Variants in MARCHF3 observed in about 807,000 individuals in gnomAD.
MARCHF3 encodes E3 ubiquitin-protein ligase MARCHF3.
A neutral mutation model predicts 24.2 loss-of-function variants in MARCHF3; 13 were observed. That is an observed-to-expected ratio of 0.54 (90% CI 0.35 to 0.85). The LOEUF (loss-of-function observed/expected upper bound fraction) is 0.85. Among genes scored for constraint, MARCHF3 ranks in the 40% least tolerant of loss-of-function variants. The pLI is 0.01. For missense variants in MARCHF3, 276 were observed against 325.0 expected (o/e 0.85, Z 1.16); for synonymous variants, 144 against 137.3 (o/e 1.05, Z -0.34).
intron 3 of MARCHF3, among the ~76,000 whole-genome samples, chr5:126,912,863 CATT>C (rs1040252107): frequency 1.3e-5 from 2 of 152,236 alleles, no homozygotes; most frequent in African/African-American, 4.8e-5. Context: ...GTTCAATCAT[CATT>C]AACTCTGAAA....
chr5:126,953,787 G>C (rs554654632), intron 1 of MARCHF3, among the ~76,000 whole-genome samples: 1 of 152,132 alleles, frequency 6.6e-6, no homozygotes, highest in South Asian at 2.1e-4. Flanking sequence ...TTAATTGCTT[G>C]TTCCTCCCCC....
At position 126,918,202 on chromosome 5, in the gene MARCHF3, C is replaced by A. The variant is rs1041236777; in HGVS notation, c.-31G>T. 2 of 1,593,356 alleles carry A rather than the reference C, an allele frequency of 1.3e-6. No homozygotes were observed. The highest frequency in any genetic ancestry group is 2.7e-5 in the African/African-American group (2 of 74,476). On this transcript the variant is annotated 5_prime_UTR_variant, in exon 2 of 5. Transcript: ENST00000308660. ...CAGACAGCAATTACTCTGCTAATGG[C>A]TTCCACATTCATACAGGATTTCCAT...
intron 1 of MARCHF3, among the ~76,000 whole-genome samples, chr5:127,002,070 A>G (rs1216954313): frequency 6.6e-6 from 1 of 152,224 alleles, no homozygotes; most frequent in Non-Finnish European, 1.5e-5. Context: ...CCAAGGATGA[A>G]CTGAGTAGAC....
In MARCHF3 at chr5:126,989,773, T is replaced by A. The variant is rs1209442908; in HGVS notation, c.-57+40577A>T. On this transcript the variant is annotated intron_variant, in intron 1 of 4. Transcript: ENST00000308660. ...AATTATAATTATGAACAGTTTCCTATTATATTACACTCTGATCTTCAGTGT... is the reference window on the plus strand; with the variant it reads ...AATTATAATTATGAACAGTTTCCTAATATATTACACTCTGATCTTCAGTGT... 1.3e-5 allele frequency among the ~76,000 whole-genome samples: 2 copies of A among 152,154 alleles called. 1 individual carries two copies. The highest frequency in any genetic ancestry group is 4.1e-4 in the South Asian group (2 of 4,824).
chr5:126,914,888 C>T (rs780975518), intron 3 of MARCHF3, 42 bp downstream of exon 3: 2 of 1,601,538 alleles, frequency 1.2e-6, no homozygotes, highest in Non-Finnish European at 1.7e-6. Context: ...ACATCATTTG[C>T]TCATTAGAGC....
Position 126,964,156 on chromosome 5 carries a change from C to T in MARCHF3, c.-56-45929G>A, listed in dbSNP as rs367778786. Among the ~76,000 whole-genome samples the T allele has an allele frequency of 5.9e-5, 9 of 152,300 alleles. No homozygotes were observed. In the South Asian group the frequency reaches 1.7e-3, roughly 28 times the overall value. ...ACCTCTGCATTCTTTTTCTCTTCCC[C>T]CTCCTGGCTATGCCTCATCTATCCT... On this transcript the variant is annotated intron_variant, in intron 1 of 4. Coordinates refer to ENST00000308660, the MANE Select transcript of MARCHF3 (RefSeq NM_178450.5).
chr5:127,012,725 A>T (rs1752510018), intron 1 of MARCHF3, among the ~76,000 whole-genome samples: 1 of 152,236 alleles, frequency 6.6e-6, no homozygotes. Context: ...ACAACAAAAT[A>T]TGCCTGAGGG....
intron 1 of MARCHF3, among the ~76,000 whole-genome samples, chr5:126,957,817 T>C (rs12655319): frequency 2.0e-4 from 30 of 152,258 alleles, no homozygotes; most frequent in African/African-American, 7.0e-4. Context: ...AAAATCATCA[T>C]CTAAAATTGT....
At chr5:126,979,700 G>A (rs1173152081) in intron 1 of MARCHF3, among the ~76,000 whole-genome samples, 6 of 152,146 alleles carry the variant, frequency 3.9e-5, no homozygotes, top group Admixed American at 3.9e-4. Context: ...TGTAATCCCA[G>A]CACTCTGAGA....
intron 1 of MARCHF3, among the ~76,000 whole-genome samples, chr5:126,923,116 A>G (rs1168214094): frequency 6.6e-6 from 1 of 152,226 alleles, no homozygotes; most frequent in African/African-American, 2.4e-5. Flanking sequence ...CTATGTAACA[A>G]ACATGTACAT....
Position 126,943,636 on chromosome 5 carries a change from T to TCTCTAAGC in MARCHF3, c.-56-25417_-56-25410dup, listed in dbSNP as rs1191868273. The stretch of plus-strand genomic sequence containing the variant: ...AAATATTCACTATATGACAAGCACT[T>TCTCTAAGC]CTCTAAGCACTTAGCCTGTATTATC... On this transcript the variant is annotated intron_variant, in intron 1 of 4. Transcript: ENST00000308660. 3.9e-5 allele frequency among the ~76,000 whole-genome samples: 6 copies of TCTCTAAGC among 152,144 alleles called. No homozygotes were observed. The East Asian group carries it at 1.2e-3, about 29-fold the overall frequency.
chr5:126,908,658 GT>G (rs1754393629), intron 3 of MARCHF3, among the ~76,000 whole-genome samples: 1 of 151,666 alleles, frequency 6.6e-6, no homozygotes. Context: ...TCGAGCCTTG[GT>G]TTTCAGCTCC....
intron 4 of MARCHF3, among the ~76,000 whole-genome samples, chr5:126,871,726 T>C (rs74762673): frequency 1.3e-5 from 2 of 149,366 alleles, no homozygotes; most frequent in Admixed American, 6.6e-5. Flanking sequence ...TTTTTTTTTT[T>C]GGATGGAGTC....
chr5:126,894,416 C>T (rs1211971157), intron 3 of MARCHF3, among the ~76,000 whole-genome samples: 16 of 150,570 alleles, frequency 1.1e-4, no homozygotes, highest in African/African-American at 2.5e-4. Context: ...GATTTTGCAG[C>T]GGCTGGTACC....
At position 126,868,576 on chromosome 5, in the gene MARCHF3, A is replaced by G. The variant is rs185135598; in HGVS notation, c.*2057T>C. On this transcript the variant is annotated 3_prime_UTR_variant, in exon 5 of 5. Transcript: ENST00000308660. ...ATCTCATCTCATGAACCAAGATGGC[A>G]GGAATTCTCTGCAGCCAACCTTGAC... The G allele has an allele frequency of 2.6e-5, 4 of 152,372 alleles. No homozygotes were observed. In the East Asian group the frequency reaches 5.8e-4, roughly 22 times the overall value. The allele number at this position is 152,372 out of a possible 1,614,324, so 9.4% of individuals were successfully genotyped here.
chr5:126,932,700 G>T (rs1749518270), intron 1 of MARCHF3, among the ~76,000 whole-genome samples: 1 of 152,172 alleles, frequency 6.6e-6, no homozygotes, highest in South Asian at 2.1e-4. Context: ...GTACAAAATT[G>T]TCTCCCTTTG....
intron 3 of MARCHF3, among the ~76,000 whole-genome samples, chr5:126,895,995 T>C (rs1487140220): frequency 5.9e-5 from 9 of 152,116 alleles, no homozygotes; most frequent in African/African-American, 2.2e-4. Flanking sequence ...CCAAGCCAGG[T>C]GCGGGATATA....
intron 1 of MARCHF3, among the ~76,000 whole-genome samples, chr5:127,010,243 C>A (rs1304119428): frequency 1.3e-5 from 2 of 152,104 alleles, no homozygotes; most frequent in Non-Finnish European, 2.9e-5. Context: ...AGGGGTTACA[C>A]AAGGCACATA....
chr5:127,007,519 A>C (rs916050521), intron 1 of MARCHF3, among the ~76,000 whole-genome samples: 1 of 152,234 alleles, frequency 6.6e-6, no homozygotes, highest in South Asian at 2.1e-4. Context: ...AAGGCCAAGT[A>C]TACACTTCAT....
Sources: gnomAD v4.1 joint callset for allele counts (sites outside exome capture counted in the v4.1 genomes callset) on GRCh38, gnomAD v4.1.1 for gene constraint, MANE v1.5 for transcripts, NCBI Gene and HGNC (gene_info 2026-07-23, HGNC 2026-07-21) for gene names.